DOCK1: variants seen among roughly 807,000 people sequenced by gnomAD.
The protein encoded by DOCK1 is dedicator of cytokinesis 1.
Under a neutral mutation model 262.7 loss-of-function variants are expected in DOCK1, and 138 were observed. The ratio of observed to expected loss-of-function variants is 0.53; its 90% confidence interval spans 0.46 to 0.61. The LOEUF is 0.61. Ranked by LOEUF, DOCK1 falls within the 20% of genes least tolerant of loss-of-function variation. The pLI is 0.00. For synonymous variants in DOCK1, 866 were observed against 867.4 expected (o/e 1.00, Z 0.03); for missense variants, 1,908 against 2,370.7 (o/e 0.80, Z 4.05).
intron 29 of DOCK1, among the ~76,000 whole-genome samples, chr10:127,290,811 T>G (rs2061323653): frequency 6.6e-6 from 1 of 152,224 alleles, no homozygotes; most frequent in Admixed American, 6.5e-5. Flanking sequence ...TATAGCATAA[T>G]TATTTTCAAC....
intron 23 of DOCK1, among the ~76,000 whole-genome samples, chr10:127,076,521 A>G (rs1283882035): frequency 3.3e-5 from 5 of 152,130 alleles, no homozygotes; most frequent in Non-Finnish European, 5.9e-5. Context: ...AGAAAATACC[A>G]AGAACCAGAA....
chr10:127,002,826 G>A (rs1246485088), intron 10 of DOCK1, among the ~76,000 whole-genome samples: 1 of 152,156 alleles, frequency 6.6e-6, no homozygotes, highest in Non-Finnish European at 1.5e-5. Flanking sequence ...TGTCTGGACT[G>A]GTCTCTGGTT....
intron 25 of DOCK1, among the ~76,000 whole-genome samples, chr10:127,120,667 T>C (rs1173323751): frequency 1.3e-5 from 2 of 152,364 alleles, no homozygotes; most frequent in East Asian, 3.9e-4. Context: ...CATACCCCAA[T>C]TGTTCCAAAC....
chr10:127,008,602 T>G, intron 10 of DOCK1, 130 bp from the exon 11 acceptor site: 1 of 787,634 alleles, frequency 1.3e-6, no homozygotes, highest in Non-Finnish European at 2.1e-6. Context: ...GGAAATAATT[T>G]AGACTTGACT....
At chr10:127,187,740 A>AAGAAAGAGAGAAAGAG (rs149634916) in intron 27 of DOCK1, among the ~76,000 whole-genome samples, 1 of 150,716 alleles carries the variant, frequency 6.6e-6, no homozygotes, top group Non-Finnish European at 1.5e-5. Context: ...GAAAGAAAGA[A>AAGAAAGAGAGAAAGAG]AGAAAGAGAG....
intron 1 of DOCK1, among the ~76,000 whole-genome samples, chr10:126,963,648 T>TTCCTTCCCTCCC (rs1554962864): frequency 1.6e-5 from 1 of 63,402 alleles, no homozygotes; most frequent in Non-Finnish European, 3.3e-5. Flanking sequence ...CCCTCCTTCC[T>TTCCTTCCCTCCC]TCCTTCCTTC....
intron 35 of DOCK1, among the ~76,000 whole-genome samples, chr10:127,377,195 A>G (rs1332147361): frequency 6.6e-6 from 1 of 152,212 alleles, no homozygotes; most frequent in African/African-American, 2.4e-5. Flanking sequence ...AATCTGTGGA[A>G]TAAAGGGAAA....
chr10:127,322,525 G>A (rs1189932308), intron 29 of DOCK1, among the ~76,000 whole-genome samples: 2 of 122,392 alleles, frequency 1.6e-5, no homozygotes, highest in African/African-American at 7.0e-5. Flanking sequence ...GGGTTGACAA[G>A]CTGTAACTGA....
chr10:127,269,496 A>G (rs763411138), intron 29 of DOCK1, among the ~76,000 whole-genome samples: 1 of 152,206 alleles, frequency 6.6e-6, no homozygotes, highest in African/African-American at 2.4e-5. Flanking sequence ...CTTGATTTAT[A>G]GGTAATTAAG....
At chr10:127,031,147 C>T (rs925162390) in intron 16 of DOCK1, among the ~76,000 whole-genome samples, 1 of 152,206 alleles carries the variant, frequency 6.6e-6, no homozygotes, top group South Asian at 2.1e-4. Flanking sequence ...CTGTATTGAC[C>T]CGCAGTTTCC....
At chr10:127,146,716 A>C (rs1052749350) in intron 27 of DOCK1, among the ~76,000 whole-genome samples, 9 of 152,176 alleles carry the variant, frequency 5.9e-5, no homozygotes, top group Non-Finnish European at 1.0e-4. Context: ...CTTAATATGC[A>C]CAAGTGGTGG....
intron 51 of DOCK1, among the ~76,000 whole-genome samples, chr10:127,449,578 C>G (rs1403334220): frequency 6.6e-6 from 1 of 152,134 alleles, no homozygotes; most frequent in African/African-American, 2.4e-5. Flanking sequence ...TGTCTTTGGT[C>G]TTTGTTTCTT....
At chr10:126,959,736 G>A (rs1026373934) in intron 1 of DOCK1, among the ~76,000 whole-genome samples, 2 of 152,206 alleles carry the variant, frequency 1.3e-5, no homozygotes, top group African/African-American at 4.8e-5. Flanking sequence ...TGGACATAGG[G>A]GTTGGATCTC....
Position 127,387,733 on chromosome 10 carries a change from G to A in DOCK1, c.3927+2824G>A, listed in dbSNP as rs1179953925. Among the ~76,000 whole-genome samples, 3 of 152,096 alleles carry A rather than the reference G, an allele frequency of 2.0e-5. No individual in the cohort carries two copies. In the East Asian group the frequency reaches 5.8e-4, roughly 29 times the overall value. On this transcript the variant is annotated intron_variant, in intron 38 of 51. Transcript: ENST00000623213. ...AGCACATGCTCATTACATTATGGACGTGTGTGGAAAGAATGAACAAATGAA... is the reference window on the plus strand; with the variant it reads ...AGCACATGCTCATTACATTATGGACATGTGTGGAAAGAATGAACAAATGAA...
intron 29 of DOCK1, among the ~76,000 whole-genome samples, chr10:127,302,559 A>G (rs2061717669): frequency 6.6e-6 from 1 of 152,202 alleles, no homozygotes; most frequent in African/African-American, 2.4e-5. Flanking sequence ...ATGGGCTGTC[A>G]GTCCAAACCG....
In DOCK1 at chr10:126,933,359, T is replaced by G. The variant is rs1022044508; in HGVS notation, c.46+27796T>G. ...AGATGAGAAATGATACTGTCTGTCCTTAAGGATTTAACTTTTGCCACTGTC... is the reference window on the plus strand; with the variant it reads ...AGATGAGAAATGATACTGTCTGTCCGTAAGGATTTAACTTTTGCCACTGTC... On this transcript the variant is annotated intron_variant, in intron 1 of 51. Coordinates refer to ENST00000623213, the MANE Select transcript of DOCK1 (RefSeq NM_001290223.2). Among the ~76,000 whole-genome samples, 82 of 152,198 alleles carry G rather than the reference T, an allele frequency of 5.4e-4. 2 individuals carry two copies. Among genetic ancestry groups the G allele is most frequent in the Middle Eastern group, 3.2e-3 (1 of 316 alleles).
intron 29 of DOCK1, among the ~76,000 whole-genome samples, chr10:127,336,325 G>A (rs1390728479): frequency 6.6e-6 from 1 of 151,942 alleles, no homozygotes; most frequent in East Asian, 1.9e-4. Flanking sequence ...TCTGATCTTT[G>A]TTTACTGCAC....
chr10:127,366,483 TC>T (rs2133978211), intron 33 of DOCK1, among the ~76,000 whole-genome samples: 1 of 152,216 alleles, frequency 6.6e-6, no homozygotes, highest in East Asian at 1.9e-4. Context: ...TCATCAGTCC[TC>T]CCTCTGTCTC....
intron 31 of DOCK1, among the ~76,000 whole-genome samples, chr10:127,345,366 C>G (rs1014134715): frequency 3.3e-5 from 5 of 152,118 alleles, no homozygotes; most frequent in Middle Eastern, 3.2e-3. Flanking sequence ...ACACAGTGAC[C>G]GAGCCACTTG....
Sources: gnomAD v4.1 joint callset for allele counts (sites outside exome capture counted in the v4.1 genomes callset) on GRCh38, gnomAD v4.1.1 for gene constraint, MANE v1.5 for transcripts, NCBI Gene and HGNC (gene_info 2026-07-23, HGNC 2026-07-21) for gene names.